RGS12: variants seen among roughly 807,000 people sequenced by gnomAD.
RGS12 encodes regulator of G protein signaling 12, also known as regulator of G-protein signaling 12.
In RGS12, 66 loss-of-function variants were observed where a neutral mutation model predicts 120.1. The ratio of observed to expected loss-of-function variants is 0.55; its 90% CI spans 0.45 to 0.67. The LOEUF (loss-of-function observed/expected upper bound fraction) is 0.67, where lower values mean the gene tolerates loss of function less well. RGS12 is among the 30% of genes least tolerant of loss of function. RGS12 has a pLI of 0.00. For synonymous variants in RGS12, 827 were observed against 804.7 expected (o/e 1.03, Z -0.47); for missense variants, 1,859 against 1,957.7 (o/e 0.95, Z 0.95).
intron 16 of RGS12, 149 bp from the exon 17 acceptor site, chr4:3,430,258 A>T (rs1724124752): frequency 2.8e-6 from 2 of 703,836 alleles, no homozygotes; most frequent in African/African-American, 1.8e-5. Flanking sequence ...CTGTGGGAAG[A>T]TAGTGTGGAC....
intron 3 of RGS12, among the ~76,000 whole-genome samples, chr4:3,368,569 G>GT (rs1716619128): frequency 8.6e-6 from 1 of 116,252 alleles, no homozygotes; most frequent in South Asian, 3.1e-4. Flanking sequence ...ATGTGTGTGT[G>GT]TGTGGGGTGC....
At chr4:3,307,725 T>A (rs1013715272) in intron 1 of RGS12, among the ~76,000 whole-genome samples, 6 of 152,126 alleles carry the variant, frequency 3.9e-5, no homozygotes, top group African/African-American at 1.4e-4. Flanking sequence ...GAGAGAGCGC[T>A]CCCCACTGTG....
chr4:3,385,683 A>C (rs1718765478), intron 3 of RGS12: 1 of 152,826 alleles, frequency 6.5e-6, no homozygotes, highest in South Asian at 2.1e-4. Flanking sequence ...TCATAACTTG[A>C]CTTGTCTGTT....
At chr4:3,305,110 C>T (rs540340946) in intron 1 of RGS12, among the ~76,000 whole-genome samples, 3 of 152,240 alleles carry the variant, frequency 2.0e-5, no homozygotes, top group Admixed American at 6.5e-5. Flanking sequence ...GTCACGTGGG[C>T]GGCTTCCTTG....
At chr4:3,370,240 G>A (rs746353139) in intron 3 of RGS12, 2 of 1,613,346 alleles carry the variant, frequency 1.2e-6, no homozygotes, top group Admixed American at 3.3e-5. Context: ...CTTAGACCCG[G>A]GTGCCTAGTG....
chr4:3,372,472 G>T lies in RGS12; in HGVS notation c.1999-13944G>T, dbSNP rs1196424609. Among the ~76,000 whole-genome samples the T allele has an allele frequency of 6.6e-6, 1 of 152,240 alleles. No homozygotes were observed. The highest frequency in any genetic ancestry group is 1.5e-5 in the Non-Finnish European group (1 of 68,044). ...CAAGCATGACAGTTGTCGCGGAGCC[G>T]CCCGAGCTGTTGGCTTCCCCGATGT... On this transcript the variant is annotated intron_variant, in intron 3 of 17. Coordinates refer to ENST00000336727, the MANE Select transcript of RGS12 (RefSeq NM_001394154.1). The surrounding 1 kb of genome is among the most constrained non-coding windows in gnomAD (Gnocchi z 4.3).
Position 3,428,546 on chromosome 4 carries a change from C to T in RGS12, c.3412-12C>T. The T allele has an allele frequency of 1.3e-6, 2 of 1,568,254 alleles. No individual in the cohort carries two copies. The highest frequency in any genetic ancestry group is 1.4e-5 in the African/African-American group (1 of 72,312). ...AAATGAAAGTAGAACTTTGACTTTC[C>T]TTCTAATGCAGGGAGAGGAAAGAAC... is the stretch of plus-strand genomic sequence containing the variant. On this transcript the variant is annotated splice_polypyrimidine_tract_variant and intron_variant, in intron 15 of 17. Coordinates refer to ENST00000336727, the MANE Select transcript of RGS12 (RefSeq NM_001394154.1).
chr4:3,415,637 G>C (rs114011678), intron 6 of RGS12, among the ~76,000 whole-genome samples: 1 of 152,182 alleles, frequency 6.6e-6, no homozygotes, highest in Non-Finnish European at 1.5e-5. Flanking sequence ...GGCTGCTTTC[G>C]TCTGCTCGCA....
chr4:3,296,648 G>C lies in RGS12; in HGVS notation c.-102+3549G>C, dbSNP rs115936516. On this transcript the variant is annotated intron_variant, in intron 1 of 17. Coordinates refer to ENST00000336727, the MANE Select transcript of RGS12 (RefSeq NM_001394154.1). ...GGGATCGCTATTCAGCCTACAGCAG[G>C]CTCCTCACTTGTCTTCGAAATGACT... Among the ~76,000 whole-genome samples, 1,237 of 152,332 alleles carry C rather than the reference G, an allele frequency of 8.1e-3. 10 individuals carry two copies. The highest frequency in any genetic ancestry group is 0.011 in the Non-Finnish European group (782 of 68,034).
chr4:3,410,918 T>A (rs1721666836), intron 4 of RGS12, among the ~76,000 whole-genome samples: 1 of 152,252 alleles, frequency 6.6e-6, no homozygotes, highest in Non-Finnish European at 1.5e-5. Flanking sequence ...ACCTGTGTGA[T>A]GTGTGGCCGG....
chr4:3,349,451 C>T (rs1420726700), intron 3 of RGS12, among the ~76,000 whole-genome samples: 1 of 152,180 alleles, frequency 6.6e-6, no homozygotes, highest in African/African-American at 2.4e-5. Flanking sequence ...TTCTTCACAT[C>T]TCTCGCTCTC....
intron 3 of RGS12, among the ~76,000 whole-genome samples, chr4:3,350,949 A>G (rs926791259): frequency 6.8e-6 from 1 of 146,838 alleles, no homozygotes; most frequent in African/African-American, 2.7e-5. Flanking sequence ...ACAGAAAAAC[A>G]TAGTAATACA....
intron 4 of RGS12, among the ~76,000 whole-genome samples, chr4:3,395,402 T>C (rs1200464531): frequency 6.6e-6 from 1 of 152,210 alleles, no homozygotes; most frequent in Non-Finnish European, 1.5e-5. Context: ...GTTCTGACTT[T>C]TGGCCGTTAC....
intron 17 of RGS12, among the ~76,000 whole-genome samples, chr4:3,435,021 G>C (rs1051425473): frequency 2.6e-5 from 4 of 152,128 alleles, no homozygotes; most frequent in Non-Finnish European, 4.4e-5. Flanking sequence ...CACCCCAGGA[G>C]GGGTCCCCGC....
the RGS12 span, among the ~76,000 whole-genome samples, chr4:3,287,270 C>G: frequency 2.6e-5 from 4 of 152,106 alleles, no homozygotes; most frequent in African/African-American, 9.7e-5. Flanking sequence ...TGAGGCGATG[C>G]TTTCTGATTT....
At chr4:3,369,915 A>G (rs556208309) in intron 3 of RGS12, 427 of 635,032 alleles carry the variant, frequency 6.7e-4, no homozygotes, top group Non-Finnish European at 7.7e-4. Context: ...TAAGGTTGTG[A>G]ACTGCACCAC....
rs199677510 is a variant in RGS12, at chr4:3,317,241, G to A, written c.1071G>A (p.Arg357=). 178 of 1,614,066 alleles carry A rather than the reference G, an allele frequency of 1.1e-4. No individual in the cohort carries two copies. Among genetic ancestry groups the A allele is most frequent in the Non-Finnish European group, 1.5e-4 (172 of 1,180,052 alleles). The change falls in exon 2 of 18, where the codon CGG becomes CGA. Residue 357 remains arginine (R), a synonymous_variant. Transcript: ENST00000336727. ...ACAAGATCCACCAAGGCATTGCTCGGCGGTTTGGGTTTGAGTGCACGGCCG... is the reference window on the plus strand; with the variant it reads ...ACAAGATCCACCAAGGCATTGCTCGACGGTTTGGGTTTGAGTGCACGGCCG... ...FNHKIHQGIA[R]RFGFECTADP...
chr4:3,424,459 C>T (rs1387876161), intron 13 of RGS12, among the ~76,000 whole-genome samples: 1 of 152,244 alleles, frequency 6.6e-6, no homozygotes, highest in Non-Finnish European at 1.5e-5. Flanking sequence ...CAGAAATCTG[C>T]AGGTGGGAGA....
chr4:3,412,331 G>A (rs1009182401), intron 4 of RGS12, among the ~76,000 whole-genome samples: 1 of 152,196 alleles, frequency 6.6e-6, no homozygotes. Context: ...GAAGCCTCCT[G>A]CCAGGCCTCT....
Sources: gnomAD v4.1 joint callset for allele counts (sites outside exome capture counted in the v4.1 genomes callset) on GRCh38, gnomAD v4.1.1 for gene constraint, Gnocchi (gnomAD v3.1) non-coding constraint, MANE v1.5 for transcripts, NCBI Gene and HGNC (gene_info 2026-07-23, HGNC 2026-07-21) for gene names.